Variants in DIAPH2 observed in about 807,000 individuals in gnomAD.
The protein encoded by DIAPH2 is diaphanous related formin 2.
DIAPH2 carries 35 observed loss-of-function variants against 92.7 expected under a neutral mutation model. That is an observed-to-expected ratio of 0.38 (90% CI 0.29 to 0.50). The LOEUF (loss-of-function observed/expected upper bound fraction) is 0.50. DIAPH2 is among the 20% of genes least tolerant of loss of function. The pLI is 0.94. For synonymous variants in DIAPH2, 301 were observed against 280.4 expected (o/e 1.07, Z -0.73); for missense variants, 701 against 819.5 (o/e 0.86, Z 1.77).
At chrX:97,570,115 T>G (rs1310518698) in intron 26 of DIAPH2, among the ~76,000 whole-genome samples, 42 of 29,026 alleles carry the variant, frequency 1.4e-3, no homozygotes, top group East Asian at 6.4e-3. Flanking sequence ...TATATATATA[T>G]ATATATATTA....
intron 18 of DIAPH2, 59 bp from the exon 19 acceptor site, chrX:97,075,108 A>G: frequency 1.3e-6 from 1 of 746,310 alleles, no homozygotes; most frequent in Non-Finnish European, 2.0e-6. Flanking sequence ...TCAGACGTTT[A>G]TTAGGACTTT....
At chrX:97,087,585 A>G (rs990508613) in intron 19 of DIAPH2, among the ~76,000 whole-genome samples, 1 of 111,709 alleles carries the variant, frequency 9.0e-6, no homozygotes, top group African/African-American at 3.3e-5. Context: ...TTTTAGCCAT[A>G]TAGTTTTTGC....
chrX:97,557,992 A>G (rs915277729), intron 26 of DIAPH2, among the ~76,000 whole-genome samples: 1 of 112,554 alleles, frequency 8.9e-6, no homozygotes, highest in Non-Finnish European at 1.9e-5. Flanking sequence ...AGTTTGCTAA[A>G]CCAAGGTAAA....
Position 97,111,518 on chromosome X carries a change from A to G in DIAPH2, c.2350-3208A>G, listed in dbSNP as rs1185564286. ...CTTCTACCTTCATTATTGCCGGCAGACTTCAAACTTTGGAGCCATCTTTGA... is the reference window on the plus strand; with the variant it reads ...CTTCTACCTTCATTATTGCCGGCAGGCTTCAAACTTTGGAGCCATCTTTGA... On this transcript the variant is annotated intron_variant, in intron 20 of 26. Coordinates refer to ENST00000324765, the MANE Select transcript of DIAPH2 (RefSeq NM_006729.5). Among the ~76,000 whole-genome samples the G allele has an allele frequency of 1.6e-4, 18 of 112,198 alleles. No homozygotes were observed. In the Admixed American group the frequency reaches 1.7e-3, roughly 11 times the overall value.
At chrX:97,280,691 T>C (rs978015551) in intron 23 of DIAPH2, among the ~76,000 whole-genome samples, 1 of 111,044 alleles carries the variant, frequency 9.0e-6, no homozygotes, top group Non-Finnish European at 1.9e-5. Flanking sequence ...TGGAATCATA[T>C]AGTTTTGATT....
chrX:97,110,988 A>C (rs1244393607), intron 20 of DIAPH2, among the ~76,000 whole-genome samples: 8 of 108,283 alleles, frequency 7.4e-5, no homozygotes, highest in South Asian at 3.9e-4. Context: ...GTCTCAAAAA[A>C]AACAAACAAA....
intron 25 of DIAPH2, among the ~76,000 whole-genome samples, chrX:97,414,080 G>A (rs2069911673): frequency 9.0e-6 from 1 of 111,721 alleles, no homozygotes; most frequent in Non-Finnish European, 1.9e-5. Flanking sequence ...ACCAAAAAAA[G>A]AGCCCGCATT....
intron 26 of DIAPH2, among the ~76,000 whole-genome samples, chrX:97,541,065 C>G (rs1394607857): frequency 9.0e-6 from 1 of 111,459 alleles, no homozygotes; most frequent in Non-Finnish European, 1.9e-5. Flanking sequence ...GAAAAATAAA[C>G]TATCTTATAA....
chrX:97,127,274 C>T (rs1243970609), intron 21 of DIAPH2, among the ~76,000 whole-genome samples: 2 of 111,737 alleles, frequency 1.8e-5, no homozygotes, highest in Non-Finnish European at 3.8e-5. Context: ...ATGCAAGTAA[C>T]CTACTATGAG....
intron 17 of DIAPH2, among the ~76,000 whole-genome samples, chrX:97,045,856 T>C (rs1363965629): frequency 2.1e-5 from 2 of 97,053 alleles, no homozygotes; most frequent in African/African-American, 7.8e-5. Flanking sequence ...GGATTTTTTT[T>C]TTTTTTTTTT....
chrX:97,376,843 G>A (rs1033323862), intron 24 of DIAPH2, among the ~76,000 whole-genome samples: 1 of 112,068 alleles, frequency 8.9e-6, no homozygotes, highest in Non-Finnish European at 1.9e-5. Context: ...CCTGTTGTTC[G>A]TCGACTACAA....
At chrX:97,080,589 T>A (rs915870594) in intron 19 of DIAPH2, among the ~76,000 whole-genome samples, 1 of 110,137 alleles carries the variant, frequency 9.1e-6, no homozygotes, top group African/African-American at 3.3e-5. Context: ...CACGATTATG[T>A]TTTCTCAAAT....
intron 22 of DIAPH2, among the ~76,000 whole-genome samples, chrX:97,181,808 T>TATA (rs1262060372): frequency 1.5e-4 from 17 of 112,585 alleles, no homozygotes; most frequent in Admixed American, 6.6e-4. Context: ...AGATAAAGAT[T>TATA]ATAAGTAGGT....
intron 7 of DIAPH2, among the ~76,000 whole-genome samples, chrX:96,914,225 T>C (rs1480709995): frequency 9.0e-6 from 1 of 111,064 alleles, no homozygotes. Flanking sequence ...CTAGTTGTAC[T>C]GTTTCTGGAA....
At chrX:97,138,038 G>A (rs756705458) in intron 21 of DIAPH2, among the ~76,000 whole-genome samples, 2 of 111,954 alleles carry the variant, frequency 1.8e-5, no homozygotes, top group East Asian at 5.6e-4. Context: ...GACAAAGCAA[G>A]AAGAAATAGG....
chrX:97,306,730 A>T (rs1365853018), intron 23 of DIAPH2, among the ~76,000 whole-genome samples: 1 of 111,593 alleles, frequency 9.0e-6, no homozygotes, highest in Admixed American at 9.6e-5. Flanking sequence ...TAACAAATTC[A>T]TTTCCTCGTG....
At chrX:96,695,450 C>T (rs544351311) in intron 1 of DIAPH2, among the ~76,000 whole-genome samples, 41 of 112,070 alleles carry the variant, frequency 3.7e-4, no homozygotes, top group African/African-American at 1.3e-3. Flanking sequence ...TTCAGATGGT[C>T]TTGTAAGTTC....
At chrX:97,319,324 T>C (rs746896742) in intron 23 of DIAPH2, among the ~76,000 whole-genome samples, 1 of 112,264 alleles carries the variant, frequency 8.9e-6, no homozygotes, top group Non-Finnish European at 1.9e-5. Flanking sequence ...TTTTTCCTAC[T>C]CTAATTGTAG....
chrX:97,111,575 G>A (rs908051979), intron 20 of DIAPH2, among the ~76,000 whole-genome samples: 1 of 112,088 alleles, frequency 8.9e-6, no homozygotes, highest in African/African-American at 3.2e-5. Context: ...CGGTTACTAA[G>A]TCCCATTTAT....
Sources: gnomAD v4.1 joint callset for allele counts (sites outside exome capture counted in the v4.1 genomes callset) on GRCh38, gnomAD v4.1.1 for gene constraint, MANE v1.5 for transcripts, NCBI Gene and HGNC (gene_info 2026-07-23, HGNC 2026-07-21) for gene names.